The following ATF6 variants were observed in gnomAD, a reference collection of about 807,000 sequenced individuals.
ATF6 encodes the protein cyclic AMP-dependent transcription factor ATF-6 alpha.
A neutral mutation model predicts 83.6 loss-of-function variants in ATF6; 53 were observed. That is an observed-to-expected ratio of 0.63 (90% confidence interval 0.51 to 0.80). The LOEUF (loss-of-function observed/expected upper bound fraction) is 0.80, where lower values mean the gene tolerates loss of function less well. ATF6 is among the 30% of genes least tolerant of loss of function. ATF6 has a pLI of 0.00. For missense variants in ATF6, 744 were observed against 797.9 expected (o/e 0.93, Z 0.81); for synonymous variants, 288 against 285.8 (o/e 1.01, Z -0.08).
In ATF6 at chr1:161,821,113, G is replaced by C. The variant is rs1481847834; in HGVS notation, c.1139G>C (p.Cys380Ser). 1 of 1,613,200 alleles carries C rather than the reference G, an allele frequency of 6.2e-7. No individual in the cohort carries two copies. Among genetic ancestry groups the C allele is most frequent in the Non-Finnish European group, 8.5e-7 (1 of 1,179,566 alleles). Residue 380 changes from cysteine to serine, a missense_variant, in exon 9 of 16, where the codon TGT (cysteine) becomes TCT (serine). Physicochemically the swap from Cys to Ser is moderately radical, Grantham distance 112. Coordinates refer to ENST00000367942, the MANE Select transcript of ATF6 (RefSeq NM_007348.4). The stretch of plus-strand genomic sequence containing the variant: ...CCTAGTCCAAAGCGAAGAGTTGTCT[G>C]TGTGATGATAGTATTGGCATTTATA... The part of the protein sequence containing the change: ...KVPSPKRRVV[C>S]VMIVLAFIIL...
intron 15 of ATF6, among the ~76,000 whole-genome samples, chr1:161,949,538 A>T (rs1313616319): frequency 2.6e-5 from 4 of 152,194 alleles, no homozygotes; most frequent in Non-Finnish European, 1.5e-5. Flanking sequence ...ATATATAAAG[A>T]AAAGAGGTTT....
chr1:161,963,351 C>T lies in ATF6; in HGVS notation c.*4697C>T, dbSNP rs1689141049. On this transcript the variant is annotated 3_prime_UTR_variant, in exon 16 of 16. Transcript: ENST00000367942. ...TCTGATTAGAAAATTTGATCTTACG[C>T]ATGAATCCATGTCATGGCCAGCCAC... 1 of 152,220 alleles carries T rather than the reference C, an allele frequency of 6.6e-6. No homozygotes were observed. Among genetic ancestry groups the T allele is most frequent in the Non-Finnish European group, 1.5e-5 (1 of 68,048 alleles). 9.4% of individuals were successfully genotyped at this position (152,220 alleles called of 1,614,324 possible). A position where few individuals can be genotyped will look rare whatever the true frequency, so the allele number is the denominator to read the frequency against.
At chr1:161,773,481 G>T (rs1684444524) in intron 1 of ATF6, among the ~76,000 whole-genome samples, 1 of 152,004 alleles carries the variant, frequency 6.6e-6, no homozygotes, top group South Asian at 2.1e-4. Context: ...GGCCAGGCTG[G>T]TCTCAAACTC....
At chr1:161,777,488 G>T (rs1472801062) in intron 1 of ATF6, among the ~76,000 whole-genome samples, 4 of 152,158 alleles carry the variant, frequency 2.6e-5, no homozygotes, top group Non-Finnish European at 4.4e-5. Context: ...AATAGGTAGA[G>T]AGTACAAAGG....
At chr1:161,841,548 A>G (rs910784549) in intron 9 of ATF6, among the ~76,000 whole-genome samples, 2 of 152,176 alleles carry the variant, frequency 1.3e-5, no homozygotes, top group African/African-American at 4.8e-5. Flanking sequence ...TCTTCAAAAT[A>G]TATTCTAGCC....
intron 14 of ATF6, among the ~76,000 whole-genome samples, chr1:161,871,029 A>G (rs1370088572): frequency 6.6e-6 from 1 of 151,730 alleles, no homozygotes; most frequent in African/African-American, 2.4e-5. Flanking sequence ...GTCTTTTACA[A>G]GATCTATTGC....
intron 12 of ATF6, among the ~76,000 whole-genome samples, chr1:161,857,047 T>C (rs1686780967): frequency 6.6e-6 from 1 of 152,174 alleles, no homozygotes; most frequent in Non-Finnish European, 1.5e-5. Context: ...TTGTCAGTAG[T>C]AAAGAAGTTC....
At chr1:161,843,804 A>G (rs1279473485) in intron 9 of ATF6, among the ~76,000 whole-genome samples, 1 of 152,172 alleles carries the variant, frequency 6.6e-6, no homozygotes, top group Non-Finnish European at 1.5e-5. Context: ...TATTTTAATA[A>G]CAACTCAGTA....
chr1:161,766,818 G>A (rs1684276559), intron 1 of ATF6, among the ~76,000 whole-genome samples: 1 of 152,222 alleles, frequency 6.6e-6, no homozygotes, highest in Non-Finnish European at 1.5e-5. Flanking sequence ...TGAGCACAAT[G>A]GAGTGGGTTT....
At chr1:161,938,070 T>TGC (rs1293948262) in intron 15 of ATF6, among the ~76,000 whole-genome samples, 1 of 152,102 alleles carries the variant, frequency 6.6e-6, no homozygotes, top group East Asian at 1.9e-4. Flanking sequence ...CTTCTACCCT[T>TGC]GCTTCCTCCT....
intron 14 of ATF6, among the ~76,000 whole-genome samples, chr1:161,880,303 ACAC>A (rs1447743095): frequency 1.3e-5 from 2 of 151,518 alleles, no homozygotes; most frequent in African/African-American, 4.9e-5. Context: ...CACATATTTA[ACAC>A]CACATTTTAT....
At position 161,920,294 on chromosome 1, in the gene ATF6, C is replaced by CTCTTTTTTTTTTTTTT. The variant is rs1157916734; in HGVS notation, c.1804+7915_1804+7916insCTTTTTTTTTTTTTTT. On this transcript the variant is annotated intron_variant, in intron 15 of 15. Transcript: ENST00000367942. ...TAGTTCTCTTTCTCTCTCTCTCTCTCTTTTTTTTTTTTTTTTTTGAGACAG... is the reference window on the plus strand; with the variant it reads ...TAGTTCTCTTTCTCTCTCTCTCTCTCTCTTTTTTTTTTTTTTTTTTTTTTTTTTTTTTTTGAGACAG... Among the ~76,000 whole-genome samples, 149 of 54,836 alleles carry CTCTTTTTTTTTTTTTT rather than the reference C, an allele frequency of 2.7e-3. 2 individuals are homozygous for CTCTTTTTTTTTTTTTT. The highest frequency in any genetic ancestry group is 3.7e-3 in the Non-Finnish European group (112 of 30,138). 36.0% of individuals were successfully genotyped at this position (54,836 alleles called of 152,430 possible). A position where few individuals can be genotyped will look rare whatever the true frequency, so the allele number is the denominator to read the frequency against.
At chr1:161,791,308 C>A in intron 4 of ATF6, 100 bp from the exon 5 acceptor site, 3 of 946,132 alleles carry the variant, frequency 3.2e-6, no homozygotes, top group Non-Finnish European at 4.6e-6. Context: ...TTGAAGTTAC[C>A]CTGAAGTGTT....
chr1:161,938,353 G>A (rs1281366149), intron 15 of ATF6, among the ~76,000 whole-genome samples: 7 of 152,274 alleles, frequency 4.6e-5, no homozygotes, highest in Non-Finnish European at 7.4e-5. Flanking sequence ...AGAAATAATT[G>A]CCTATAAATG....
At chr1:161,916,026 C>T (rs144814236) in intron 15 of ATF6, among the ~76,000 whole-genome samples, 32 of 152,310 alleles carry the variant, frequency 2.1e-4, no homozygotes, top group Middle Eastern at 3.4e-3. Flanking sequence ...AAAAGACTTA[C>T]ACTCACTGCT....
chr1:161,909,294 A>G (rs1241863413), intron 14 of ATF6, among the ~76,000 whole-genome samples: 1 of 152,218 alleles, frequency 6.6e-6, no homozygotes, highest in Non-Finnish European at 1.5e-5. Context: ...CCTTCTAGCT[A>G]GCAAGAAGGA....
chr1:161,797,720 A>G (rs1249673309), intron 6 of ATF6, among the ~76,000 whole-genome samples: 3 of 152,232 alleles, frequency 2.0e-5, no homozygotes, highest in Admixed American at 1.3e-4. Flanking sequence ...GGAAGAATCG[A>G]TAGTGTTAAA....
At chr1:161,888,611 A>G (rs1687481163) in intron 14 of ATF6, among the ~76,000 whole-genome samples, 1 of 152,156 alleles carries the variant, frequency 6.6e-6, no homozygotes, top group South Asian at 2.1e-4. Context: ...ATCCAAAACT[A>G]TCACCAAGTA....
At chr1:161,885,809 T>C (rs144689686) in intron 14 of ATF6, among the ~76,000 whole-genome samples, 33 of 152,256 alleles carry the variant, frequency 2.2e-4, no homozygotes, top group African/African-American at 7.5e-4. Flanking sequence ...TCTCAAGGAA[T>C]TTATTATTGT....
Sources: allele counts gnomAD v4.1 joint callset (sites outside exome capture counted in the v4.1 genomes callset), GRCh38; gene constraint gnomAD v4.1.1; transcripts MANE v1.5; gene names NCBI Gene and HGNC (gene_info 2026-07-23, HGNC 2026-07-21).